Variants in ATM observed in about 807,000 individuals in gnomAD.
ATM encodes the protein serine-protein kinase ATM.
A neutral mutation model predicts 387.0 loss-of-function variants in ATM; 308 were observed. The ratio of observed to expected loss-of-function variants is 0.80; its 90% CI spans 0.73 to 0.87. The LOEUF is 0.87. Ranked by LOEUF, ATM falls within the 40% of genes least tolerant of loss-of-function variation. The pLI is 0.00. For missense variants in ATM, 3,312 were observed against 3,560.9 expected, an observed-to-expected ratio of 0.93 and a Z score of 1.78; for synonymous variants, 1,156 against 1,187.3, an observed-to-expected ratio of 0.97 and a Z score of 0.54.
At chr11:108,260,098 A>C (rs1396737856) in intron 16 of ATM, among the ~76,000 whole-genome samples, 1 of 148,832 alleles carries the variant, frequency 6.7e-6, no homozygotes, top group African/African-American at 2.5e-5. Flanking sequence ...TCAGTGGCAC[A>C]ATCTCGGCTC....
At position 108,266,076 on chromosome 11, in the gene ATM, T is replaced by C. The variant is rs368489931; in HGVS notation, c.2467-1095T>C. On this transcript the variant is annotated intron_variant, in intron 16 of 62. Transcript: ENST00000675843. ...TCAACCATTGTGGAAGTCAGTGTGG[T>C]GATTCCTCAGGGATCTAGAACTGGA... Among the ~76,000 whole-genome samples the C allele has an allele frequency of 6.6e-3, 998 of 151,806 alleles. 16 individuals are homozygous for C. Among genetic ancestry groups the C allele is most frequent in the African/African-American group, 0.022 (926 of 41,316 alleles).
Position 108,325,639 on chromosome 11 carries a change from GAGAT to G in ATM, c.6807+99_6807+102del, listed in dbSNP as rs2085601171. On this transcript the variant is annotated intron_variant, in intron 46 of 62. Coordinates refer to ENST00000675843, the MANE Select transcript of ATM (RefSeq NM_000051.4). ...CTGAGGGAAAAAGAAATGTCATTAA[GAGAT>G]AGAGATCTCTATTAATATATAGTAA... 5.8e-6 allele frequency: 6 copies of G among 1,041,680 alleles called. No individual in the cohort carries two copies. In the East Asian group the frequency reaches 1.5e-4, roughly 27 times the overall value. 64.5% of individuals were successfully genotyped at this position (1,041,680 alleles called of 1,614,324 possible).
At chr11:108,228,120 A>G (rs1383739442) in intron 3 of ATM, among the ~76,000 whole-genome samples, 1 of 152,142 alleles carries the variant, frequency 6.6e-6, no homozygotes, top group African/African-American at 2.4e-5. Flanking sequence ...TTTTAGACAT[A>G]TCTCACTCAA....
At chr11:108,356,827 T>C (rs573468359) in intron 61 of ATM, among the ~76,000 whole-genome samples, 1 of 152,204 alleles carries the variant, frequency 6.6e-6, no homozygotes, top group South Asian at 2.1e-4. Flanking sequence ...GCCAGATCCT[T>C]TGCCATTGTA....
Position 108,304,690 on chromosome 11 carries a change from T to G in ATM, c.5512T>G (p.Cys1838Gly), listed in dbSNP as rs587781390. Reference sequence around the variant, plus strand: ...TATATTCTAGGTGAAAACTGACTTTTGTCAGACTGTACTTCCATACTTGAT... The same window carrying G: ...TATATTCTAGGTGAAAACTGACTTTGGTCAGACTGTACTTCCATACTTGAT... ...KPMCEVKTDFCQTVLPYLIHD... is the reference protein window; with the variant it reads ...KPMCEVKTDFGQTVLPYLIHD... Residue 1838 changes from cysteine (C) to glycine (G), a missense_variant, in exon 37 of 63, where the codon TGT becomes GGT. Physicochemically the swap from Cys to Gly is radical, Grantham distance 159. Transcript: ENST00000675843. 2 of 1,613,978 alleles carry G rather than the reference T, an allele frequency of 1.2e-6. No individual in the cohort carries two copies. The highest frequency in any genetic ancestry group is 3.3e-5 in the Admixed American group (2 of 60,004).
intron 61 of ATM, chr11:108,355,889 C>G (rs2137397364): frequency 6.6e-6 from 1 of 152,316 alleles, no homozygotes; most frequent in South Asian, 2.1e-4. Flanking sequence ...GTCCTGTGTG[C>G]ACCTTTATGA....
In ATM at chr11:108,282,697, T is replaced by C. The variant is rs587780856; in HGVS notation, c.3577-13T>C. 3.7e-5 allele frequency: 59 copies of C among 1,611,792 alleles called. No homozygotes were observed. Among genetic ancestry groups the C allele is most frequent in the Middle Eastern group, 1.6e-4 (1 of 6,068 alleles). ...TCATTTTTCTTAACACATTGACTTT[T>C]TGGTTCGTGCAGGTTTTAGAGAAAG... On this transcript the variant is annotated splice_polypyrimidine_tract_variant and intron_variant, in intron 24 of 62. Coordinates refer to ENST00000675843, the MANE Select transcript of ATM (RefSeq NM_000051.4).
chr11:108,289,231 A>C, intron 28 of ATM, 128 bp downstream of exon 28: 1 of 970,632 alleles, frequency 1.0e-6, no homozygotes, highest in East Asian at 2.7e-5. Flanking sequence ...AAAGGAAAAC[A>C]TTCATTTACA....
chr11:108,321,047 G>A (rs556308455), intron 44 of ATM, among the ~76,000 whole-genome samples: 2 of 152,312 alleles, frequency 1.3e-5, no homozygotes, highest in East Asian at 3.9e-4. Context: ...AGGAGGAAGG[G>A]TTGGTCTTGC....
At chr11:108,247,634 C>T (rs2079919193) in intron 8 of ATM, among the ~76,000 whole-genome samples, 1 of 152,134 alleles carries the variant, frequency 6.6e-6, no homozygotes, top group African/African-American at 2.4e-5. Flanking sequence ...CTTGCTCTGT[C>T]ACCCAGGCTG....
Position 108,241,609 on chromosome 11 carries a change from G to A in ATM, c.497-2344G>A, listed in dbSNP as rs116258644. On this transcript the variant is annotated intron_variant, in intron 5 of 62. Coordinates refer to ENST00000675843, the MANE Select transcript of ATM (RefSeq NM_000051.4). ...GCCATTTGTCATTGAATAGAATGTTGTTATGTAGTATGTGACTGTGGTTGG... is the reference window on the plus strand; with the variant it reads ...GCCATTTGTCATTGAATAGAATGTTATTATGTAGTATGTGACTGTGGTTGG... 8.2e-3 allele frequency among the ~76,000 whole-genome samples: 1,250 copies of A among 151,756 alleles called. 16 individuals are homozygous for A. The highest frequency in any genetic ancestry group is 0.028 in the African/African-American group (1,179 of 41,382).
At chr11:108,335,233 T>A (rs1044437019) in intron 55 of ATM, 124 bp downstream of exon 55, 3 of 1,556,542 alleles carry the variant, frequency 1.9e-6, no homozygotes, top group Non-Finnish European at 2.6e-6. Flanking sequence ...TGAGGAAGAT[T>A]TGTAGAGTAG....
At chr11:108,257,684 G>T (rs757663560) in intron 15 of ATM, 78 bp downstream of exon 15, 198 of 1,410,796 alleles carry the variant, frequency 1.4e-4, no homozygotes, top group Non-Finnish European at 1.9e-4. Context: ...CAGTGGGATT[G>T]TCACAACTCA....
chr11:108,260,133 C>T (rs903027751), intron 16 of ATM, among the ~76,000 whole-genome samples: 3 of 148,218 alleles, frequency 2.0e-5, no homozygotes, highest in Non-Finnish European at 3.0e-5. Context: ...CTCCTAGGTT[C>T]AAGAGATTCT....
chr11:108,313,277 G>A (rs4988075), intron 40 of ATM, among the ~76,000 whole-genome samples: 3 of 152,048 alleles, frequency 2.0e-5, no homozygotes, highest in Non-Finnish European at 4.4e-5. Flanking sequence ...AACCTCTCCT[G>A]TTTAAAAATT....
In ATM at chr11:108,253,829, A is replaced by T. The variant is rs587781753; in HGVS notation, c.1914A>T (p.Lys638Asn). 1 of 1,613,602 alleles carries T rather than the reference A, an allele frequency of 6.2e-7. No homozygotes were observed. Residue 638 changes from lysine to asparagine, a missense_variant, in exon 13 of 63, where the codon AAA becomes AAT. Physicochemically the swap from Lys to Asn is moderately conservative, Grantham distance 94. Around this residue, in one of 4 missense-constraint regions of ATM, gnomAD observed 1,791 missense variants for 1,804.5 expected, o/e 0.99. Transcript: ENST00000675843. ...QSVPECEHHQKDKEELSFSEV... is the reference protein window; with the variant it reads ...QSVPECEHHQNDKEELSFSEV... ...TTTCTTGAAGTGAACACCACCAAAAAGATAAAGAAGAACTTTCATTCTCAG... is the reference window on the plus strand; with the variant it reads ...TTTCTTGAAGTGAACACCACCAAAATGATAAAGAAGAACTTTCATTCTCAG...
intron 51 of ATM, 86 bp downstream of exon 51, chr11:108,331,643 C>T (rs2086247755): frequency 7.0e-7 from 1 of 1,419,874 alleles, no homozygotes. Flanking sequence ...ACCATTCCCT[C>T]TAAGAAATGG....
chr11:108,339,589 G>C (rs1223586169), intron 56 of ATM, among the ~76,000 whole-genome samples: 1 of 151,984 alleles, frequency 6.6e-6, no homozygotes, highest in East Asian at 1.9e-4. Context: ...TTTAGTACCA[G>C]AGAAAACACT....
chr11:108,308,139 C>T, intron 38 of ATM, 155 bp downstream of exon 38: 1 of 744,848 alleles, frequency 1.3e-6, no homozygotes, highest in African/African-American at 1.7e-5. Flanking sequence ...AATCCATATT[C>T]AGGATAGCAG....
Sources: gnomAD v4.1 joint callset for allele counts (sites outside exome capture counted in the v4.1 genomes callset) on GRCh38, gnomAD v4.1.1 for gene constraint, gnomAD v4.1.1 regional missense constraint, MANE v1.5 for transcripts, NCBI Gene and HGNC (gene_info 2026-07-23, HGNC 2026-07-21) for gene names.